Variants in FHIT observed in about 807,000 individuals in gnomAD.
The protein encoded by FHIT is fragile histidine triad diadenosine triphosphatase.
In FHIT, 19 loss-of-function variants were observed where a neutral mutation model predicts 17.9. That is an observed-to-expected ratio of 1.06 (90% CI 0.74 to 1.56). The LOEUF (loss-of-function observed/expected upper bound fraction) is 1.56. FHIT is among the 40% of genes most tolerant of loss of function. FHIT has a pLI of 0.00. For missense variants in FHIT, 248 were observed against 189.2 expected, an observed-to-expected ratio of 1.31 and a Z score of -1.82; for synonymous variants, 81 against 69.7, an observed-to-expected ratio of 1.16 and a Z score of -0.81.
chr3:60,936,285 A>T (rs2107390580), intron 3 of FHIT, among the ~76,000 whole-genome samples: 1 of 152,352 alleles, frequency 6.6e-6, no homozygotes, highest in East Asian at 1.9e-4. Context: ...GTCATCATTC[A>T]TTTACTATCC....
rs373729842 is a variant in FHIT at position 60,144,386 on chromosome 3, T to TTA, written c.104-130236_104-130235dup. On this transcript the variant is annotated intron_variant, in intron 5 of 9. Coordinates refer to ENST00000492590, the MANE Select transcript of FHIT (RefSeq NM_002012.4). Reference sequence around the variant, plus strand: ...TAATAACCCAAGGAGGTAGTTATTTTTATTCATTTCTCCAACCAACTTTGC... The same window carrying TTA: ...TAATAACCCAAGGAGGTAGTTATTTTTATATTCATTTCTCCAACCAACTTTGC... Among the ~76,000 whole-genome samples, 367 of 152,330 alleles carry TTA rather than the reference T, an allele frequency of 2.4e-3. 1 individual carries two copies. The highest frequency in any genetic ancestry group is 8.4e-3 in the African/African-American group (351 of 41,578).
intron 5 of FHIT, among the ~76,000 whole-genome samples, chr3:60,066,632 T>A (rs1008450568): frequency 9.2e-5 from 1 of 10,870 alleles, no homozygotes. Context: ...CCTGACAAAT[T>A]TTTTTTTTTT....
intron 4 of FHIT, among the ~76,000 whole-genome samples, chr3:60,623,335 A>C (rs1387622775): frequency 2.0e-5 from 3 of 152,176 alleles, no homozygotes; most frequent in African/African-American, 7.2e-5. Context: ...ATGCCATCTC[A>C]ATTTAACATG....
intron 5 of FHIT, among the ~76,000 whole-genome samples, chr3:60,030,881 G>C (rs926364346): frequency 2.6e-5 from 4 of 152,194 alleles, no homozygotes; most frequent in Admixed American, 6.5e-5. Flanking sequence ...TATTATTTTA[G>C]TAAGTAGAGA....
intron 4 of FHIT, among the ~76,000 whole-genome samples, chr3:60,628,787 T>C (rs2039362461): frequency 6.6e-6 from 1 of 152,194 alleles, no homozygotes; most frequent in Admixed American, 6.5e-5. Context: ...CTGTTTCAAA[T>C]GAAATCAATT....
chr3:60,171,076 C>A (rs1394105357), intron 5 of FHIT, among the ~76,000 whole-genome samples: 1 of 152,104 alleles, frequency 6.6e-6, no homozygotes, highest in African/African-American at 2.4e-5. Context: ...TTTCAAAGAC[C>A]CTCCATTTCC....
chr3:59,884,228 G>A (rs979951676), intron 8 of FHIT, among the ~76,000 whole-genome samples: 2 of 152,168 alleles, frequency 1.3e-5, no homozygotes, highest in African/African-American at 4.8e-5. Flanking sequence ...TGGCTATATA[G>A]AATCTATGAT....
At chr3:60,570,183 G>A (rs1352669656) in intron 4 of FHIT, among the ~76,000 whole-genome samples, 1 of 152,106 alleles carries the variant, frequency 6.6e-6, no homozygotes, top group African/African-American at 2.4e-5. Flanking sequence ...ATCACTGTCA[G>A]AGTTTCAGGG....
intron 4 of FHIT, among the ~76,000 whole-genome samples, chr3:60,658,988 G>A (rs2040180130): frequency 1.3e-5 from 2 of 148,444 alleles, no homozygotes; most frequent in Non-Finnish European, 3.0e-5. Flanking sequence ...ATATGAGAAT[G>A]CCTTAATTTC....
At chr3:60,217,274 A>C (rs1017929320) in intron 5 of FHIT, among the ~76,000 whole-genome samples, 1 of 152,146 alleles carries the variant, frequency 6.6e-6, no homozygotes, top group Non-Finnish European at 1.5e-5. Context: ...TTTTTACTAG[A>C]TTTAAGAACA....
At chr3:60,387,789 G>T (rs1455414151) in intron 5 of FHIT, among the ~76,000 whole-genome samples, 1 of 152,120 alleles carries the variant, frequency 6.6e-6, no homozygotes, top group Admixed American at 6.5e-5. Flanking sequence ...GTTTGCTTAT[G>T]GTTTGTTTGG....
At chr3:60,958,713 G>T (rs1009094056) in intron 3 of FHIT, among the ~76,000 whole-genome samples, 4 of 152,184 alleles carry the variant, frequency 2.6e-5, no homozygotes, top group Admixed American at 6.5e-5. Flanking sequence ...AGACAGAAAG[G>T]TTAAACAAGG....
chr3:61,168,988 C>T (rs2037920033), intron 2 of FHIT, among the ~76,000 whole-genome samples: 1 of 152,140 alleles, frequency 6.6e-6, no homozygotes, highest in South Asian at 2.1e-4. Flanking sequence ...GTGTGGTCAT[C>T]CCCAATTAGT....
chr3:60,352,403 C>T (rs1293681897), intron 5 of FHIT, among the ~76,000 whole-genome samples: 1 of 152,158 alleles, frequency 6.6e-6, no homozygotes, highest in Non-Finnish European at 1.5e-5. Flanking sequence ...ACTCACTATA[C>T]CCAGATGTCA....
At chr3:59,961,609 C>A (rs1707686232) in intron 7 of FHIT, among the ~76,000 whole-genome samples, 1 of 152,138 alleles carries the variant, frequency 6.6e-6, no homozygotes, top group Admixed American at 6.5e-5. Flanking sequence ...GGTATCTGGG[C>A]TGGAGCGCAC....
chr3:60,748,083 C>G (rs2042393602), intron 4 of FHIT, among the ~76,000 whole-genome samples: 1 of 152,072 alleles, frequency 6.6e-6, no homozygotes, highest in Non-Finnish European at 1.5e-5. Context: ...TGCTGAGGAA[C>G]TTGGGTGCTG....
chr3:59,851,913 A>C (rs1701954567), intron 8 of FHIT, among the ~76,000 whole-genome samples: 1 of 152,232 alleles, frequency 6.6e-6, no homozygotes, highest in Admixed American at 6.5e-5. Flanking sequence ...AGAGAAAAAG[A>C]GTAGTCACAC....
intron 8 of FHIT, among the ~76,000 whole-genome samples, chr3:59,772,013 T>C (rs1412537037): frequency 6.6e-6 from 1 of 152,202 alleles, no homozygotes; most frequent in African/African-American, 2.4e-5. Flanking sequence ...CCAGCAACTT[T>C]ATGACACACT....
intron 5 of FHIT, among the ~76,000 whole-genome samples, chr3:60,371,053 C>T (rs1700306475): frequency 6.6e-6 from 1 of 152,206 alleles, no homozygotes; most frequent in Admixed American, 6.5e-5. Flanking sequence ...AAACCATCCA[C>T]ATGCTCATCC....
Sources: allele counts gnomAD v4.1 joint callset (sites outside exome capture counted in the v4.1 genomes callset), GRCh38; gene constraint gnomAD v4.1.1; transcripts MANE v1.5; gene names NCBI Gene and HGNC (gene_info 2026-07-23, HGNC 2026-07-21).